The following FBXO22 variants were observed in gnomAD, a reference collection of about 807,000 sequenced individuals.
The protein encoded by FBXO22 is F-box only protein 22.
FBXO22 carries 13 observed loss-of-function variants against 37.2 expected under a neutral mutation model. The ratio of observed to expected loss-of-function variants is 0.35; its 90% CI spans 0.23 to 0.56. The LOEUF is 0.56. Ranked by LOEUF, FBXO22 falls within the 20% of genes least tolerant of loss-of-function variation. FBXO22 has a pLI of 0.87. For synonymous variants in FBXO22, 189 were observed against 189.1 expected (o/e 1.00, Z 0.00); for missense variants, 446 against 509.9 (o/e 0.87, Z 1.21).
In FBXO22 at chr15:75,913,182, ATTT is replaced by A; in HGVS notation, c.280-11_280-9del. The stretch of plus-strand genomic sequence containing the variant: ...GATGGATTCATGGGATCCAATTCCA[ATTT>A]TTTTTTTTTCTTTGCAGAATGTTCG... On this transcript the variant is annotated intron_variant, in intron 2 of 6. Coordinates refer to ENST00000308275, the MANE Select transcript of FBXO22 (RefSeq NM_147188.3). 4.2e-6 allele frequency: 5 copies of A among 1,177,834 alleles called. No individual in the cohort carries two copies. The highest frequency in any genetic ancestry group is 4.7e-6 in the Non-Finnish European group (4 of 849,840). 73.0% of individuals were successfully genotyped at this position (1,177,834 alleles called of 1,614,324 possible).
In FBXO22 at chr15:75,941,266, A is replaced by G. The variant is rs1382171944; in HGVS notation, c.*8164A>G. ...ATACCCACTGGGATAGCTCTTATTA[A>G]AATTAAAAAAACACACAAGTGTTGG... On this transcript the variant is annotated 3_prime_UTR_variant, in exon 7 of 7. Transcript: ENST00000308275. 3 of 152,160 alleles carry G rather than the reference A, an allele frequency of 2.0e-5. No homozygotes were observed. Among genetic ancestry groups the G allele is most frequent in the African/African-American group, 7.2e-5 (3 of 41,442 alleles). 9.4% of individuals were successfully genotyped at this position (152,160 alleles called of 1,614,324 possible).
intron 6 of FBXO22, among the ~76,000 whole-genome samples, chr15:75,932,343 ATATT>A (rs2030059263): frequency 1.3e-5 from 2 of 152,362 alleles, no homozygotes; most frequent in African/African-American, 4.8e-5. Flanking sequence ...ATCTTTGTGT[ATATT>A]AATAAAATTA....
Position 75,936,485 on chromosome 15 carries a change from T to C in FBXO22, c.*3383T>C, listed in dbSNP as rs1429065912. The C allele has an allele frequency of 6.6e-6, 1 of 152,234 alleles. No individual in the cohort carries two copies. Among genetic ancestry groups the C allele is most frequent in the Non-Finnish European group, 1.5e-5 (1 of 68,040 alleles). 9.4% of individuals were successfully genotyped at this position (152,234 alleles called of 1,614,324 possible). ...TTTTATATATTTAACTTCTACCCTA[T>C]GCCACAACTGAAGACAGGTTACAAG... is the stretch of plus-strand genomic sequence containing the variant. On this transcript the variant is annotated 3_prime_UTR_variant, in exon 7 of 7. Transcript: ENST00000308275.
chr15:75,904,350 C>G (rs2141698643), intron 1 of FBXO22, 141 bp from the exon 2 acceptor site: 1 of 1,299,468 alleles, frequency 7.7e-7, no homozygotes, highest in Non-Finnish European at 1.1e-6. Context: ...AACTAGCGCC[C>G]TGACTGACAC....
At chr15:75,926,146 T>C (rs1204277133) in intron 5 of FBXO22, among the ~76,000 whole-genome samples, 2 of 152,250 alleles carry the variant, frequency 1.3e-5, no homozygotes, top group Non-Finnish European at 2.9e-5. Flanking sequence ...AAGCTCCTGC[T>C]AATGTATCAA....
intron 3 of FBXO22, 108 bp from the exon 4 acceptor site, chr15:75,914,002 T>G (rs74024023): frequency 0.024 from 17,862 of 730,858 alleles, 441 homozygotes; most frequent in African/African-American, 0.095. Flanking sequence ...TAGAGCATTC[T>G]CGTGTTAAAT....
chr15:75,923,142 T>C (rs1280949680), intron 5 of FBXO22, among the ~76,000 whole-genome samples: 2 of 152,166 alleles, frequency 1.3e-5, no homozygotes, highest in East Asian at 3.8e-4. Flanking sequence ...GGCCCTGATA[T>C]GTGGCACTGG....
chr15:75,925,000 T>A (rs1900408733), intron 5 of FBXO22, among the ~76,000 whole-genome samples: 1 of 152,318 alleles, frequency 6.6e-6, no homozygotes, highest in South Asian at 2.1e-4. Flanking sequence ...TTAGAAAAGC[T>A]TTCCTATTGA....
chr15:75,904,321 A>G (rs1306045874), intron 1 of FBXO22, 170 bp from the exon 2 acceptor site: 17 of 1,146,216 alleles, frequency 1.5e-5, no homozygotes, highest in Middle Eastern at 5.8e-4. Context: ...GGTTTTCTCC[A>G]TATCTGGCTC....
At chr15:75,906,819 G>A (rs1385559792) in intron 2 of FBXO22, among the ~76,000 whole-genome samples, 1 of 152,158 alleles carries the variant, frequency 6.6e-6, no homozygotes, top group African/African-American at 2.4e-5. Flanking sequence ...TTCCTCGAAA[G>A]TGTTCTCTGG....
chr15:75,919,162 G>T (rs539970893), intron 5 of FBXO22, among the ~76,000 whole-genome samples: 15 of 152,152 alleles, frequency 9.9e-5, no homozygotes, highest in African/African-American at 3.6e-4. Context: ...ATTAGAGATA[G>T]GGTTTTACCA....
intron 5 of FBXO22, among the ~76,000 whole-genome samples, chr15:75,918,418 A>C (rs1900239283): frequency 6.6e-6 from 1 of 152,110 alleles, no homozygotes; most frequent in African/African-American, 2.4e-5. Context: ...CCTCTTAATA[A>C]TGTGGAAGAG....
rs962330188 is a variant in FBXO22 at position 75,936,155 on chromosome 15, A to G, written c.*3053A>G. ...AATATAAATATGCTTTTGTCATTTT[A>G]TACCCAGTCTGGCCCAGGTTTGCAC... On this transcript the variant is annotated 3_prime_UTR_variant, in exon 7 of 7. Coordinates refer to ENST00000308275, the MANE Select transcript of FBXO22 (RefSeq NM_147188.3). The G allele has an allele frequency of 1.3e-5, 2 of 152,206 alleles. No homozygotes were observed. The highest frequency in any genetic ancestry group is 2.9e-5 in the Non-Finnish European group (2 of 68,042). The allele number at this position is 152,206 out of a possible 1,614,324, so 9.4% of individuals were successfully genotyped here. A position where few individuals can be genotyped will look rare whatever the true frequency, so the allele number is the denominator to read the frequency against.
At position 75,937,508 on chromosome 15, in the gene FBXO22, C is replaced by CAAAAAAA. The variant is rs58256641; in HGVS notation, c.*4424_*4430dup. 9.6e-5 allele frequency: 8 copies of CAAAAAAA among 83,238 alleles called. No individual in the cohort carries two copies. The highest frequency in any genetic ancestry group is 2.3e-4 in the Admixed American group (2 of 8,690). 5.2% of individuals were successfully genotyped at this position (83,238 alleles called of 1,614,324 possible). ...TGGGCAATGGAGCAAGACTCTGTCT[C>CAAAAAAA]AAAAAAAAAAAAAAAAAAAAAAAAG... On this transcript the variant is annotated 3_prime_UTR_variant, in exon 7 of 7. Transcript: ENST00000308275.
chr15:75,930,080 T>C, intron 6 of FBXO22, 31 bp downstream of exon 6: 1 of 1,613,492 alleles, frequency 6.2e-7, no homozygotes, highest in Non-Finnish European at 8.5e-7. Flanking sequence ...ATTTCGTCTG[T>C]GAATGAAGGG....
intron 5 of FBXO22, among the ~76,000 whole-genome samples, chr15:75,923,897 G>A (rs569583015): frequency 6.6e-6 from 1 of 152,252 alleles, no homozygotes; most frequent in African/African-American, 2.4e-5. Context: ...GAAGTTTGGG[G>A]CTGAATGGAC....
rs2030635658 is a variant in FBXO22 at position 75,938,757 on chromosome 15, A to T, written c.*5655A>T. ...TAGTTTTAAAAGATACATATCACAC[A>T]CAAAGAAGTGAAGAAGATATGGTGC... On this transcript the variant is annotated 3_prime_UTR_variant, in exon 7 of 7. Transcript: ENST00000308275. 6.6e-6 allele frequency: 1 copy of T among 152,212 alleles called. No homozygotes were observed. Among genetic ancestry groups the T allele is most frequent in the Non-Finnish European group, 1.5e-5 (1 of 68,028 alleles). The allele number at this position is 152,212 out of a possible 1,614,324, so 9.4% of individuals were successfully genotyped here. A position where few individuals can be genotyped will look rare whatever the true frequency, so the allele number is the denominator to read the frequency against.
At chr15:75,909,197 G>C (rs989295404) in intron 2 of FBXO22, among the ~76,000 whole-genome samples, 1 of 152,144 alleles carries the variant, frequency 6.6e-6, no homozygotes, top group African/African-American at 2.4e-5. Flanking sequence ...CAGCTCATAG[G>C]GGAGATAGGG....
chr15:75,904,285 T>TCGC, intron 1 of FBXO22, 182 bp downstream of exon 1: 1 of 1,112,898 alleles, frequency 9.0e-7, no homozygotes, highest in Non-Finnish European at 1.2e-6. Context: ...CGGGGGGACT[T>TCGC]CCCTGAGGGG....
Sources: gnomAD v4.1 joint callset for allele counts (sites outside exome capture counted in the v4.1 genomes callset) on GRCh38, gnomAD v4.1.1 for gene constraint, MANE v1.5 for transcripts, NCBI Gene and HGNC (gene_info 2026-07-23, HGNC 2026-07-21) for gene names.